BANP: variants seen among roughly 807,000 people sequenced by gnomAD.
The protein encoded by BANP is BTG3 associated nuclear protein.
Under a neutral mutation model 68.1 loss-of-function variants are expected in BANP, and 11 were observed. That is an observed-to-expected ratio of 0.16 (90% CI 0.10 to 0.27). The LOEUF is 0.27. Ranked by LOEUF, BANP falls within the 10% of genes least tolerant of loss-of-function variation. The pLI, the probability that BANP is intolerant of heterozygous loss-of-function variation, is 1.00. For missense variants in BANP, 504 were observed against 722.7 expected (o/e 0.70, Z 3.47); for synonymous variants, 329 against 303.2 (o/e 1.09, Z -0.88).
At chr16:87,985,165 G>A (rs895261371) in intron 4 of BANP, among the ~76,000 whole-genome samples, 2 of 152,254 alleles carry the variant, frequency 1.3e-5, no homozygotes, top group Non-Finnish European at 2.9e-5. Flanking sequence ...CCTCGCCAGG[G>A]GGTGTGGGAA....
At chr16:88,039,327 C>T (rs57003061) in intron 11 of BANP, among the ~76,000 whole-genome samples, 1 of 133,622 alleles carries the variant, frequency 7.5e-6, no homozygotes, top group Non-Finnish European at 1.7e-5. Context: ...AGGCTGCGGT[C>T]GGCGCAGTGC....
At chr16:88,001,583 C>G (rs190334254) in intron 4 of BANP, among the ~76,000 whole-genome samples, 1 of 152,156 alleles carries the variant, frequency 6.6e-6, no homozygotes, top group Non-Finnish European at 1.5e-5. Flanking sequence ...TAGTTGAAAG[C>G]GTGTAGTTTC....
Position 87,957,592 on chromosome 16 carries a change from C to T in BANP, c.-69+6077C>T, listed in dbSNP as rs955415761. Among the ~76,000 whole-genome samples the T allele has an allele frequency of 3.3e-5, 5 of 152,320 alleles. No homozygotes were observed. The highest frequency in any genetic ancestry group is 7.2e-5 in the African/African-American group (3 of 41,578). Reference sequence around the variant, plus strand: ...TTACCTTCTGTGTCTGAGAGAAGGCCGTTGTGGCCTGTAGTGATTTTCCTT... The same window carrying T: ...TTACCTTCTGTGTCTGAGAGAAGGCTGTTGTGGCCTGTAGTGATTTTCCTT... On this transcript the variant is annotated intron_variant, in intron 1 of 13. Coordinates refer to ENST00000682872, the MANE Select transcript of BANP (RefSeq NM_001386991.1). This position sits in a 1 kb window ranked among gnomAD's most constrained non-coding sequence, Gnocchi z 4.3.
In BANP at chr16:87,957,855, G is replaced by C. The variant is rs1436158805; in HGVS notation, c.-69+6340G>C. Among the ~76,000 whole-genome samples the C allele has an allele frequency of 1.3e-5, 2 of 152,094 alleles. No homozygotes were observed. Among genetic ancestry groups the C allele is most frequent in the Non-Finnish European group, 2.9e-5 (2 of 68,016 alleles). ...ATGGCATGCTGCAAGCTCTGTGGGC[G>C]CTGGTGGCCAGGATGCGGACAACCC... On this transcript the variant is annotated intron_variant, in intron 1 of 13. Coordinates refer to ENST00000682872, the MANE Select transcript of BANP (RefSeq NM_001386991.1). This position sits in a 1 kb window ranked among gnomAD's most constrained non-coding sequence, Gnocchi z 4.3.
At chr16:88,006,304 A>G in intron 6 of BANP, 39 bp downstream of exon 6, 1 of 1,539,254 alleles carries the variant, frequency 6.5e-7, no homozygotes. Context: ...GAGCGCCAGT[A>G]CAATTGTTTG....
chr16:88,060,526 C>T lies in BANP; in HGVS notation c.1312-4741C>T, dbSNP rs139962768. Among the ~76,000 whole-genome samples the T allele has an allele frequency of 2.0e-4, 30 of 152,342 alleles. 1 individual carries two copies. In the East Asian group the frequency reaches 5.0e-3, roughly 25 times the overall value. On this transcript the variant is annotated intron_variant, in intron 11 of 13. Transcript: ENST00000682872. The stretch of plus-strand genomic sequence containing the variant: ...AGAAGTTCGTTCTTTTGCCCTCTCA[C>T]GGTGGATTCAAACGTATTTTTTGTG...
At chr16:88,068,750 A>C (rs1389253886) in intron 12 of BANP, among the ~76,000 whole-genome samples, 4 of 151,576 alleles carry the variant, frequency 2.6e-5, no homozygotes, top group African/African-American at 9.7e-5. Context: ...CCCCTTTCCA[A>C]GTGCAGCCTT....
rs936361475 is a variant in BANP at position 88,059,242 on chromosome 16, G to C, written c.1312-6025G>C. On this transcript the variant is annotated intron_variant, in intron 11 of 13. Transcript: ENST00000682872. Reference sequence around the variant, plus strand: ...CCTGGAGGCTCTGCTGTAAGGGCAGGTGGGGGTGGGGTGGGGCGGGCGGAG... The same window carrying C: ...CCTGGAGGCTCTGCTGTAAGGGCAGCTGGGGGTGGGGTGGGGCGGGCGGAG... 2.7e-5 allele frequency among the ~76,000 whole-genome samples: 4 copies of C among 150,644 alleles called. No individual in the cohort carries two copies. The South Asian group carries it at 8.6e-4, about 32-fold the overall frequency.
chr16:87,988,517 G>A (rs1354476654), intron 4 of BANP, among the ~76,000 whole-genome samples: 11 of 151,886 alleles, frequency 7.2e-5, no homozygotes, highest in African/African-American at 2.7e-4. Context: ...CACCCGCCTC[G>A]GCCTCCCAAA....
At chr16:87,976,478 T>TTTTTTTTG (rs1332704716) in intron 2 of BANP, among the ~76,000 whole-genome samples, 3 of 148,352 alleles carry the variant, frequency 2.0e-5, no homozygotes, top group African/African-American at 5.0e-5. Context: ...TAAAAAGTTT[T>TTTTTTTTG]TTTTTTTTTT....
At chr16:87,979,685 A>G (rs1335227098) in intron 2 of BANP, among the ~76,000 whole-genome samples, 1 of 152,250 alleles carries the variant, frequency 6.6e-6, no homozygotes, top group African/African-American at 2.4e-5. Context: ...CCCAGCGGCC[A>G]GCATTCAGAT....
Position 88,076,829 on chromosome 16 carries a change from A to AGCC in BANP, c.*178_*180dup, listed in dbSNP as rs748443231. 2.2e-5 allele frequency: 13 copies of AGCC among 602,190 alleles called. No homozygotes were observed. Among genetic ancestry groups the AGCC allele is most frequent in the Non-Finnish European group, 3.1e-5 (11 of 352,098 alleles). The allele number at this position is 602,190 out of a possible 1,614,324, so 37.3% of individuals were successfully genotyped here. On this transcript the variant is annotated 3_prime_UTR_variant, in exon 14 of 14. Coordinates refer to ENST00000682872, the MANE Select transcript of BANP (RefSeq NM_001386991.1). ...ACAGCATCCTATCAACTGAAAGAGC[A>AGCC]GCCGCCGCCGCCCCCAGCCGGAGAC...
intron 11 of BANP, among the ~76,000 whole-genome samples, chr16:88,051,934 T>G (rs2083353580): frequency 6.6e-6 from 1 of 152,152 alleles, no homozygotes; most frequent in Non-Finnish European, 1.5e-5. Context: ...TTTAAGAAAA[T>G]AAAGTGAAGA....
At chr16:88,044,103 G>C (rs1171487654) in intron 11 of BANP, among the ~76,000 whole-genome samples, 4 of 152,190 alleles carry the variant, frequency 2.6e-5, no homozygotes, top group Non-Finnish European at 5.9e-5. Context: ...TTGCTGCCGT[G>C]GGTACCCTGA....
At position 88,076,831 on chromosome 16, in the gene BANP, C is replaced by T. The variant is rs566083498; in HGVS notation, c.*170C>T. On this transcript the variant is annotated 3_prime_UTR_variant, in exon 14 of 14. Transcript: ENST00000682872. ...AGCATCCTATCAACTGAAAGAGCAG[C>T]CGCCGCCGCCCCCAGCCGGAGACCC... The T allele has an allele frequency of 9.5e-5, 56 of 586,940 alleles. No individual in the cohort carries two copies. The highest frequency in any genetic ancestry group is 9.4e-4 in the African/African-American group (50 of 52,976). The allele number at this position is 586,940 out of a possible 1,614,324, so 36.4% of individuals were successfully genotyped here.
intron 11 of BANP, among the ~76,000 whole-genome samples, chr16:88,063,117 C>A (rs973871850): frequency 1.3e-5 from 2 of 152,372 alleles, no homozygotes; most frequent in South Asian, 4.1e-4. Context: ...TGCAGCAGCG[C>A]AGCCAAGCGG....
rs956557526 is a variant in BANP, at chr16:88,057,305, G to T, written c.1312-7962G>T. Reference sequence around the variant, plus strand: ...TCTGTGGGGAGCAGCTAATGGATGTGTAGACTCTTTTGCCCCAAGAATTAT... The same window carrying T: ...TCTGTGGGGAGCAGCTAATGGATGTTTAGACTCTTTTGCCCCAAGAATTAT... On this transcript the variant is annotated intron_variant, in intron 11 of 13. Coordinates refer to ENST00000682872, the MANE Select transcript of BANP (RefSeq NM_001386991.1). The surrounding 1 kb of genome is among the most constrained non-coding windows in gnomAD (Gnocchi z 4.6). 4.6e-5 allele frequency among the ~76,000 whole-genome samples: 7 copies of T among 152,280 alleles called. No homozygotes were observed. Among genetic ancestry groups the T allele is most frequent in the African/African-American group, 1.7e-4 (7 of 41,538 alleles).
At chr16:87,999,390 G>A (rs1260122718) in intron 4 of BANP, among the ~76,000 whole-genome samples, 1 of 132,956 alleles carries the variant, frequency 7.5e-6, no homozygotes, top group Non-Finnish European at 1.6e-5. Context: ...GCACGCACGT[G>A]CGCGGCTGGA....
At chr16:87,990,287 A>G (rs1378800845) in intron 4 of BANP, among the ~76,000 whole-genome samples, 9 of 152,346 alleles carry the variant, frequency 5.9e-5, no homozygotes, top group East Asian at 3.9e-4. Flanking sequence ...AGGCTTCTGT[A>G]TAAGACTAGT....
Sources: allele counts gnomAD v4.1 joint callset (sites outside exome capture counted in the v4.1 genomes callset), GRCh38; gene constraint gnomAD v4.1.1; non-coding constraint Gnocchi (gnomAD v3.1); transcripts MANE v1.5; gene names NCBI Gene and HGNC (gene_info 2026-07-23, HGNC 2026-07-21).